The following KLC1 variants were observed in gnomAD, a reference collection of about 807,000 sequenced individuals.
KLC1 encodes kinesin light chain 1, also known as kinesin 2 60/70kDa.
In KLC1, 30 loss-of-function variants were observed where a neutral mutation model predicts 84.2. The ratio of observed to expected loss-of-function variants is 0.36; its 90% confidence interval spans 0.27 to 0.48. The LOEUF is 0.48. KLC1 is among the 20% of genes least tolerant of loss of function. The probability of loss-of-function intolerance (pLI) is 0.99; values close to 1 mark genes in which losing one functional copy is unlikely to be tolerated. For synonymous variants in KLC1, 289 were observed against 293.3 expected (o/e 0.99, Z 0.15); for missense variants, 499 against 805.4 (o/e 0.62, Z 4.60).
intron 1 of KLC1, among the ~76,000 whole-genome samples, chr14:103,642,346 G>A (rs1247110618): frequency 6.6e-6 from 1 of 152,158 alleles, no homozygotes; most frequent in Non-Finnish European, 1.5e-5. Context: ...ATTTTAACAT[G>A]TGAATTGGGG....
rs774549684 is a variant in KLC1, at chr14:103,673,297, A to G, written c.1162-35A>G. 5.2e-6 allele frequency: 8 copies of G among 1,543,516 alleles called. No individual in the cohort carries two copies. In the South Asian group the frequency reaches 9.8e-5, roughly 19 times the overall value. The stretch of plus-strand genomic sequence containing the variant: ...AAATGTATGCTTTATTTACATCTGA[A>G]AGATATGAAATATTTTATTTTATTT... On this transcript the variant is annotated intron_variant, in intron 8 of 16. Coordinates refer to ENST00000334553, the MANE Select transcript of KLC1 (RefSeq NM_001394837.1).
At chr14:103,684,143 C>CT (rs1307376178) in intron 13 of KLC1, 1 of 152,256 alleles carries the variant, frequency 6.6e-6, no homozygotes, top group Admixed American at 6.5e-5. Context: ...TGCCACTGCA[C>CT]TCCAGCCTGG....
At chr14:103,634,725 T>A (rs549458191) in intron 1 of KLC1, among the ~76,000 whole-genome samples, 4 of 152,028 alleles carry the variant, frequency 2.6e-5, no homozygotes, top group Non-Finnish European at 5.9e-5. Flanking sequence ...AGGTTACTAA[T>A]GACCTTTAAC....
chr14:103,678,214 G>A (rs560166571), intron 12 of KLC1, among the ~76,000 whole-genome samples: 33 of 152,260 alleles, frequency 2.2e-4, no homozygotes, highest in Middle Eastern at 3.4e-3. Flanking sequence ...AGTGAGCCGA[G>A]ATTGCACTAC....
intron 14 of KLC1, chr14:103,688,031 A>C (rs925034355): frequency 6.6e-6 from 1 of 152,218 alleles, no homozygotes; most frequent in African/African-American, 2.4e-5. Context: ...AAGTGATCCC[A>C]CTTTAAGTTC....
intron 7 of KLC1, among the ~76,000 whole-genome samples, chr14:103,671,957 C>G (rs2080421570): frequency 6.6e-6 from 1 of 152,136 alleles, no homozygotes; most frequent in African/African-American, 2.4e-5. Flanking sequence ...CATATATTTA[C>G]CCTTTCATTC....
chr14:103,655,557 A>G (rs886701338), intron 2 of KLC1, among the ~76,000 whole-genome samples: 1 of 151,816 alleles, frequency 6.6e-6, no homozygotes, highest in African/African-American at 2.4e-5. Flanking sequence ...CTGCCTCAGC[A>G]AAGTGTTGGG....
intron 1 of KLC1, among the ~76,000 whole-genome samples, chr14:103,642,366 C>T (rs190703250): frequency 1.3e-4 from 20 of 152,250 alleles, no homozygotes; most frequent in Non-Finnish European, 2.2e-4. Context: ...GTGGGGGGCA[C>T]ACATTGATTC....
intron 5 of KLC1, 106 bp from the exon 6 acceptor site, chr14:103,669,405 A>T (rs113555687): frequency 6.0e-6 from 4 of 663,310 alleles, no homozygotes; most frequent in African/African-American, 5.5e-5. Context: ...CTGCACTCCA[A>T]CCTGTGCAAC....
chr14:103,686,936 T>C (rs1019913051), intron 13 of KLC1, 145 bp from the exon 14 acceptor site: 6 of 443,366 alleles, frequency 1.4e-5, no homozygotes, highest in African/African-American at 7.9e-5. Context: ...TACATGGTAA[T>C]TGGTGGTTTC....
chr14:103,633,866 T>A (rs531645397), intron 1 of KLC1, among the ~76,000 whole-genome samples: 241 of 152,234 alleles, frequency 1.6e-3, no homozygotes, highest in African/African-American at 4.0e-3. Flanking sequence ...TATTATTATT[T>A]TTTTTTTATT....
Position 103,679,238 on chromosome 14 carries a change from C to A in KLC1, c.1489-146C>A, listed in dbSNP as rs1023117521. ...CAGTTCCCCGCCTCCACCCTCACCC[C>A]CTCCAAGGAACCACTCTTCCAATGT... is the stretch of plus-strand genomic sequence containing the variant. On this transcript the variant is annotated intron_variant, in intron 12 of 16. Coordinates refer to ENST00000334553, the MANE Select transcript of KLC1 (RefSeq NM_001394837.1). 1.0e-4 allele frequency: 108 copies of A among 1,058,838 alleles called. No individual in the cohort carries two copies. The East Asian group carries it at 1.0e-3, about 10-fold the overall frequency. The allele number at this position is 1,058,838 out of a possible 1,614,324, so 65.6% of individuals were successfully genotyped here. A position where few individuals can be genotyped will look rare whatever the true frequency, so the allele number is the denominator to read the frequency against.
chr14:103,638,792 GGGTGTGTGTGCGTGAGCACAGT>G (rs1385584204), intron 1 of KLC1, among the ~76,000 whole-genome samples: 14 of 151,920 alleles, frequency 9.2e-5, no homozygotes, highest in Admixed American at 2.0e-4. Context: ...AACACAGTGG[GGGTGTGTGTGCGTGAGCACAGT>G]GGTGTGTGTA....
chr14:103,637,865 GT>G (rs1407703184), intron 1 of KLC1, among the ~76,000 whole-genome samples: 1 of 152,054 alleles, frequency 6.6e-6, no homozygotes, highest in Admixed American at 6.6e-5. Context: ...TGACCGGCTT[GT>G]TTTTTGTAGA....
At chr14:103,672,543 C>G (rs74085253) in intron 7 of KLC1, among the ~76,000 whole-genome samples, 1 of 152,122 alleles carries the variant, frequency 6.6e-6, no homozygotes, top group Admixed American at 6.5e-5. Context: ...AGGGAAGTCT[C>G]CTTTGAGGGG....
At chr14:103,669,437 A>AAAAAGAAAAGAAAAG (rs57555596) in intron 5 of KLC1, 74 bp from the exon 6 acceptor site, 5 of 857,158 alleles carry the variant, frequency 5.8e-6, no homozygotes, top group South Asian at 3.1e-5. Context: ...CTGTCTAAAA[A>AAAAAGAAAAGAAAAG]AAAAGAAAAG....
At chr14:103,652,615 C>G (rs1405678478) in intron 1 of KLC1, among the ~76,000 whole-genome samples, 3 of 152,178 alleles carry the variant, frequency 2.0e-5, no homozygotes, top group Non-Finnish European at 4.4e-5. Flanking sequence ...CCTCAGCCTC[C>G]TGAGTAGCTG....
At chr14:103,666,781 T>C (rs1479289524) in intron 5 of KLC1, among the ~76,000 whole-genome samples, 48 of 142,498 alleles carry the variant, frequency 3.4e-4, no homozygotes, top group Admixed American at 1.4e-3. Flanking sequence ...TTCTTTCTTT[T>C]TTTTTTTTTT....
intron 3 of KLC1, among the ~76,000 whole-genome samples, chr14:103,660,908 A>G (rs1212905848): frequency 1.3e-5 from 2 of 152,218 alleles, no homozygotes; most frequent in Non-Finnish European, 2.9e-5. Context: ...GACCTGGGAC[A>G]TTGGAGGATG....
Sources: allele counts gnomAD v4.1 joint callset (sites outside exome capture counted in the v4.1 genomes callset), GRCh38; gene constraint gnomAD v4.1.1; transcripts MANE v1.5; gene names NCBI Gene and HGNC (gene_info 2026-07-23, HGNC 2026-07-21).